Variants in MACROD2 observed in about 807,000 individuals in gnomAD.
The protein encoded by MACROD2 is mono-ADP ribosylhydrolase 2.
MACROD2 carries 36 observed loss-of-function variants against 70.4 expected under a neutral mutation model. The observed-to-expected ratio is 0.51, with a 90% CI of 0.39 to 0.68. The LOEUF is 0.68. MACROD2 is among the 30% of genes least tolerant of loss of function. The probability of loss-of-function intolerance (pLI) is 0.00; values close to 1 mark genes in which losing one functional copy is unlikely to be tolerated. For missense variants in MACROD2, 496 were observed against 538.4 expected (o/e 0.92, Z 0.78); for synonymous variants, 172 against 178.8 (o/e 0.96, Z 0.30).
At chr20:15,324,858 T>G (rs2077910917) in intron 6 of MACROD2, among the ~76,000 whole-genome samples, 1 of 152,190 alleles carries the variant, frequency 6.6e-6, no homozygotes, top group Non-Finnish European at 1.5e-5. Context: ...AGGTAAGTCT[T>G]ATTACACTCT....
intron 3 of MACROD2, among the ~76,000 whole-genome samples, chr20:14,391,005 G>A (rs896166796): frequency 2.8e-4 from 43 of 152,112 alleles, no homozygotes; most frequent in African/African-American, 1.0e-3. Context: ...AGGAAAAGGG[G>A]CACTTACATA....
intron 5 of MACROD2, among the ~76,000 whole-genome samples, chr20:15,005,924 A>AT (rs2075032185): frequency 6.6e-6 from 1 of 152,154 alleles, no homozygotes; most frequent in East Asian, 1.9e-4. Flanking sequence ...TTATGATTTA[A>AT]TTAAAATAAA....
At chr20:14,874,656 T>C (rs1160976538) in intron 5 of MACROD2, among the ~76,000 whole-genome samples, 2 of 151,092 alleles carry the variant, frequency 1.3e-5, no homozygotes, top group Non-Finnish European at 2.9e-5. Flanking sequence ...TCCAATAACA[T>C]GAACAAAAAA....
chr20:14,422,261 C>A (rs1568604810), intron 3 of MACROD2, among the ~76,000 whole-genome samples: 2 of 152,120 alleles, frequency 1.3e-5, no homozygotes, highest in Non-Finnish European at 2.9e-5. Context: ...TGTCATTTTC[C>A]ACCTATCAGC....
chr20:14,468,231 T>C (rs774413108), intron 3 of MACROD2, among the ~76,000 whole-genome samples: 1 of 151,882 alleles, frequency 6.6e-6, no homozygotes, highest in Non-Finnish European at 1.5e-5. Flanking sequence ...TCCACTATTA[T>C]TGTGTGGGAG....
rs577848941 is a variant in MACROD2 at position 15,789,501 on chromosome 20, A to T, written c.646-73244A>T. The stretch of plus-strand genomic sequence containing the variant: ...TTGTCACCATTTAAATAATTCAAAG[A>T]ATGTAACAGCGATTCTAAAATGAGT... On this transcript the variant is annotated intron_variant, in intron 8 of 17. Coordinates refer to ENST00000684519, the MANE Select transcript of MACROD2 (RefSeq NM_001351661.2). 3.9e-5 allele frequency among the ~76,000 whole-genome samples: 6 copies of T among 152,302 alleles called. No homozygotes were observed. The South Asian group carries it at 1.0e-3, about 26-fold the overall frequency.
At chr20:14,496,399 G>A (rs952348472) in intron 4 of MACROD2, among the ~76,000 whole-genome samples, 4 of 152,114 alleles carry the variant, frequency 2.6e-5, no homozygotes, top group East Asian at 1.9e-4. Context: ...CAAAATTATT[G>A]TATGCAAAAT....
chr20:14,056,472 C>G (rs2148652579), intron 2 of MACROD2, among the ~76,000 whole-genome samples: 1 of 151,672 alleles, frequency 6.6e-6, no homozygotes, highest in South Asian at 2.1e-4. Context: ...TGTGCAAAAG[C>G]TTTTATTACT....
chr20:14,577,472 T>G lies in MACROD2; in HGVS notation c.301+83964T>G, dbSNP rs1386768864. ...TATAATTGTGGTTTTGGAACTTAGG[T>G]AACTTTTTGGAACTATATAAGAGGG... On this transcript the variant is annotated intron_variant, in intron 4 of 17. Transcript: ENST00000684519. Among the ~76,000 whole-genome samples the G allele has an allele frequency of 3.9e-5, 6 of 152,172 alleles. No homozygotes were observed. In the East Asian group the frequency reaches 9.6e-4, roughly 24 times the overall value.
intron 8 of MACROD2, among the ~76,000 whole-genome samples, chr20:15,537,467 C>CTT (rs35857138): frequency 0.061 from 5,521 of 89,806 alleles, 320 homozygotes; most frequent in African/African-American, 0.12. Context: ...TCCCACTCAT[C>CTT]TTTTTTTTTT....
At chr20:15,922,525 G>T (rs58630549) in intron 10 of MACROD2, among the ~76,000 whole-genome samples, 7,705 of 152,276 alleles carry the variant, frequency 0.051, 342 homozygotes, top group East Asian at 0.24. Context: ...CCATAGCCAT[G>T]TGTGGCTAGT....
intron 10 of MACROD2, among the ~76,000 whole-genome samples, chr20:15,923,260 C>T (rs902293544): frequency 2.0e-5 from 3 of 152,146 alleles, no homozygotes; most frequent in Admixed American, 6.6e-5. Context: ...AGGCCTCAGA[C>T]TCATGGCGGG....
chr20:15,358,815 T>G (rs2078318905), intron 6 of MACROD2, among the ~76,000 whole-genome samples: 1 of 151,848 alleles, frequency 6.6e-6, no homozygotes, highest in South Asian at 2.1e-4. Context: ...TTGTTCCTTT[T>G]TTTTTTTACA....
chr20:14,648,716 C>T (rs554401177), intron 4 of MACROD2, among the ~76,000 whole-genome samples: 1 of 152,132 alleles, frequency 6.6e-6, no homozygotes, highest in African/African-American at 2.4e-5. Context: ...ACACACTACT[C>T]TGCAACTTAT....
At chr20:15,297,507 T>C (rs908802275) in intron 6 of MACROD2, among the ~76,000 whole-genome samples, 1 of 152,208 alleles carries the variant, frequency 6.6e-6, no homozygotes, top group African/African-American at 2.4e-5. Context: ...TTTTGCTGCA[T>C]TGACAGAAAG....
chr20:15,549,212 A>G (rs1280574532), intron 8 of MACROD2, among the ~76,000 whole-genome samples: 1 of 152,200 alleles, frequency 6.6e-6, no homozygotes, highest in Non-Finnish European at 1.5e-5. Flanking sequence ...AAAGCCTACC[A>G]TTTTGTTTTA....
At chr20:15,294,473 A>G (rs2077569015) in intron 6 of MACROD2, among the ~76,000 whole-genome samples, 1 of 152,182 alleles carries the variant, frequency 6.6e-6, no homozygotes, top group African/African-American at 2.4e-5. Flanking sequence ...AAGATAGCAC[A>G]TGTATGTGCA....
At chr20:14,913,349 G>A (rs2074052125) in intron 5 of MACROD2, among the ~76,000 whole-genome samples, 1 of 151,950 alleles carries the variant, frequency 6.6e-6, no homozygotes, top group Admixed American at 6.6e-5. Context: ...ATATCTCAAA[G>A]TTTTCCGATA....
intron 3 of MACROD2, among the ~76,000 whole-genome samples, chr20:14,135,794 C>T (rs994297022): frequency 5.3e-5 from 8 of 151,960 alleles, no homozygotes; most frequent in Non-Finnish European, 1.2e-4. Context: ...CTTAAGATTC[C>T]CTACCATTGA....
Sources: gnomAD v4.1 joint callset for allele counts (sites outside exome capture counted in the v4.1 genomes callset) on GRCh38, gnomAD v4.1.1 for gene constraint, MANE v1.5 for transcripts, NCBI Gene and HGNC (gene_info 2026-07-23, HGNC 2026-07-21) for gene names.